ANKRD44: variants seen among roughly 807,000 people sequenced by gnomAD.
ANKRD44 encodes the protein serine/threonine-protein phosphatase 6 regulatory ankyrin repeat subunit B.
In ANKRD44, 35 loss-of-function variants were observed where a neutral mutation model predicts 116.0. The ratio of observed to expected loss-of-function variants is 0.30; its 90% CI spans 0.23 to 0.40. The LOEUF (loss-of-function observed/expected upper bound fraction) is 0.40, where lower values mean the gene tolerates loss of function less well. Among genes scored for constraint, ANKRD44 ranks in the 10% least tolerant of loss-of-function variants. The probability of loss-of-function intolerance (pLI) is 1.00; values close to 1 mark genes in which losing one functional copy is unlikely to be tolerated. For synonymous variants in ANKRD44, 435 were observed against 461.8 expected (o/e 0.94, Z 0.74); for missense variants, 1,014 against 1,242.6 (o/e 0.82, Z 2.77).
At chr2:197,302,267 C>T (rs2083933464) in intron 1 of ANKRD44, 1 of 152,408 alleles carries the variant, frequency 6.6e-6, no homozygotes, top group African/African-American at 2.4e-5. Flanking sequence ...GCAGGAGTGA[C>T]AAGTTCTGAG....
intron 17 of ANKRD44, among the ~76,000 whole-genome samples, chr2:197,018,005 A>C (rs2076423594): frequency 1.3e-5 from 2 of 152,238 alleles, no homozygotes; most frequent in African/African-American, 2.4e-5. Context: ...ATCTGGCCTA[A>C]TTCTCACAAA....
intron 1 of ANKRD44, among the ~76,000 whole-genome samples, chr2:197,249,322 A>G (rs2082267247): frequency 6.6e-6 from 1 of 152,222 alleles, no homozygotes; most frequent in Admixed American, 6.5e-5. Flanking sequence ...AAATCCCACT[A>G]GAAAACACAT....
In ANKRD44 at chr2:197,187,150, T is replaced by G; in HGVS notation, c.28-44A>C. The stretch of plus-strand genomic sequence containing the variant: ...GGGAATCAGAACTAAAATTAATACA[T>G]CTGATCACATACAGATGCAGATGGT... On this transcript the variant is annotated intron_variant, in intron 1 of 27. Transcript: ENST00000282272. 3 of 1,554,680 alleles carry G rather than the reference T, an allele frequency of 1.9e-6. No homozygotes were observed. In the Middle Eastern group the frequency reaches 5.1e-4, roughly 262 times the overall value.
chr2:197,013,838 C>G, intron 17 of ANKRD44, 126 bp from the exon 18 acceptor site: 1 of 873,388 alleles, frequency 1.1e-6, no homozygotes, highest in Non-Finnish European at 1.8e-6. Flanking sequence ...GTCAGAAAAA[C>G]ACTTGGAATA....
chr2:196,998,232 CTTAA>C (rs2076049369), intron 25 of ANKRD44, 101 bp downstream of exon 25: 1 of 835,910 alleles, frequency 1.2e-6, no homozygotes, highest in Non-Finnish European at 1.9e-6. Context: ...AAATGTACAT[CTTAA>C]TTAAGAGCCA....
At chr2:197,287,257 G>T (rs1574449019) in intron 1 of ANKRD44, among the ~76,000 whole-genome samples, 1 of 152,004 alleles carries the variant, frequency 6.6e-6, no homozygotes, top group African/African-American at 2.4e-5. Flanking sequence ...AAAAATTAAA[G>T]TCTATTTTTT....
chr2:197,292,757 G>A (rs1275530794), intron 1 of ANKRD44, among the ~76,000 whole-genome samples: 3 of 152,080 alleles, frequency 2.0e-5, no homozygotes, highest in East Asian at 1.9e-4. Flanking sequence ...ACCCAGGATC[G>A]GTGATGGAAA....
chr2:197,090,994 T>C (rs774286404), intron 10 of ANKRD44, among the ~76,000 whole-genome samples: 2 of 152,258 alleles, frequency 1.3e-5, no homozygotes, highest in South Asian at 2.1e-4. Context: ...AGACCTCATT[T>C]TTCCTGGATG....
At chr2:197,307,302 A>G (rs574214082) in intron 1 of ANKRD44, among the ~76,000 whole-genome samples, 10 of 152,316 alleles carry the variant, frequency 6.6e-5, no homozygotes, top group Middle Eastern at 3.4e-3. Context: ...AGGATGTTCT[A>G]TGTTACACAG....
intron 21 of ANKRD44, among the ~76,000 whole-genome samples, chr2:196,969,487 G>A (rs1302304464): frequency 6.6e-6 from 1 of 152,010 alleles, no homozygotes; most frequent in Non-Finnish European, 1.5e-5. Context: ...ACAAACTGTC[G>A]TTTGGTATGT....
intron 10 of ANKRD44, among the ~76,000 whole-genome samples, chr2:197,099,158 C>G (rs1458282913): frequency 2.0e-5 from 3 of 152,110 alleles, no homozygotes; most frequent in Non-Finnish European, 4.4e-5. Flanking sequence ...TCCTCCCTGT[C>G]TATATTCTGT....
intron 1 of ANKRD44, among the ~76,000 whole-genome samples, chr2:197,249,020 C>T (rs1042523130): frequency 6.6e-6 from 1 of 152,060 alleles, no homozygotes; most frequent in African/African-American, 2.4e-5. Flanking sequence ...TACCTGTAAT[C>T]CCACACTTTG....
chr2:197,181,884 A>C (rs2080515290), intron 2 of ANKRD44, among the ~76,000 whole-genome samples: 1 of 152,214 alleles, frequency 6.6e-6, no homozygotes, highest in South Asian at 2.1e-4. Context: ...AACTTAAACT[A>C]TTTGGGGCCA....
chr2:197,141,418 C>T (rs1452217512), intron 3 of ANKRD44, among the ~76,000 whole-genome samples: 1 of 152,192 alleles, frequency 6.6e-6, no homozygotes, highest in South Asian at 2.1e-4. Flanking sequence ...TATATTTACA[C>T]ACTTTTATCA....
intron 1 of ANKRD44, among the ~76,000 whole-genome samples, chr2:197,309,818 C>T (rs1231809033): frequency 6.6e-6 from 1 of 152,164 alleles, no homozygotes; most frequent in Non-Finnish European, 1.5e-5. Flanking sequence ...AGACCTGCGG[C>T]GAGGACTGTC....
At chr2:196,979,126 G>C (rs548183183) in intron 21 of ANKRD44, among the ~76,000 whole-genome samples, 1 of 152,064 alleles carries the variant, frequency 6.6e-6, no homozygotes, top group African/African-American at 2.4e-5. Context: ...GCCAGGCACG[G>C]TGGCTCACGC....
In ANKRD44 at chr2:197,062,488, G is replaced by A. The variant is rs529196704; in HGVS notation, c.1650+16215C>T. 8.5e-5 allele frequency among the ~76,000 whole-genome samples: 13 copies of A among 152,338 alleles called. No homozygotes were observed. The South Asian group carries it at 2.5e-3, about 29-fold the overall frequency. The stretch of plus-strand genomic sequence containing the variant: ...AAAATTGGATACCCTACTTAGAAGG[G>A]ACAGTGGGTGCAGCCCACAGAGCAT... On this transcript the variant is annotated intron_variant, in intron 16 of 27. Transcript: ENST00000282272.
intron 21 of ANKRD44, among the ~76,000 whole-genome samples, chr2:196,973,043 T>C (rs2075726506): frequency 6.6e-6 from 1 of 152,296 alleles, no homozygotes; most frequent in South Asian, 2.1e-4. Context: ...AAATAAAGTA[T>C]TACCCCCATT....
In ANKRD44 at chr2:197,090,309, T is replaced by C. The variant is rs1180337737; in HGVS notation, c.1101-277A>G. On this transcript the variant is annotated intron_variant, in intron 10 of 27. Transcript: ENST00000282272. The stretch of plus-strand genomic sequence containing the variant: ...CTGTTTCACATAAAGCATGACTCCT[T>C]AAATGTAAAATTAATTTCCCTGTCA... 4.6e-5 allele frequency among the ~76,000 whole-genome samples: 7 copies of C among 152,186 alleles called. No homozygotes were observed. The South Asian group carries it at 8.3e-4, about 18-fold the overall frequency.
Sources: gnomAD v4.1 joint callset for allele counts (sites outside exome capture counted in the v4.1 genomes callset) on GRCh38, gnomAD v4.1.1 for gene constraint, MANE v1.5 for transcripts, NCBI Gene and HGNC (gene_info 2026-07-23, HGNC 2026-07-21) for gene names.